Variants in CCDC146 observed in about 807,000 individuals in gnomAD.
CCDC146 encodes the protein coiled-coil domain-containing protein 146.
In CCDC146, 92 loss-of-function variants were observed where a neutral mutation model predicts 119.3. That is an observed-to-expected ratio of 0.77 (90% CI 0.65 to 0.92). The LOEUF (loss-of-function observed/expected upper bound fraction) is 0.92, where lower values mean the gene tolerates loss of function less well. Ranked by LOEUF, CCDC146 falls within the 40% of genes least tolerant of loss-of-function variation. CCDC146 has a pLI of 0.00. For missense variants in CCDC146, 1,000 were observed against 1,103.0 expected (o/e 0.91, Z 1.32); for synonymous variants, 372 against 371.8 (o/e 1.00, Z -0.01).
At chr7:77,233,180 T>C (rs1792666892) in intron 2 of CCDC146, among the ~76,000 whole-genome samples, 1 of 151,592 alleles carries the variant, frequency 6.6e-6, no homozygotes, top group South Asian at 2.1e-4. Context: ...CCTCTGCCTC[T>C]GGGGTTCAAG....
intron 2 of CCDC146, among the ~76,000 whole-genome samples, chr7:77,203,790 CACTT>C (rs775368644): frequency 1.9e-4 from 29 of 152,202 alleles, no homozygotes; most frequent in Non-Finnish European, 3.1e-4. Context: ...ACATTACACT[CACTT>C]ACAGACTTGT....
chr7:77,181,808 G>A (rs1351955120), intron 2 of CCDC146, among the ~76,000 whole-genome samples: 1 of 152,104 alleles, frequency 6.6e-6, no homozygotes, highest in Non-Finnish European at 1.5e-5. Flanking sequence ...ATGCTTGAAT[G>A]TATTGACCTT....
chr7:77,249,255 G>T (rs1264718430), intron 4 of CCDC146, among the ~76,000 whole-genome samples: 1 of 152,110 alleles, frequency 6.6e-6, no homozygotes, highest in African/African-American at 2.4e-5. Flanking sequence ...ACTTTGAAAG[G>T]CTGAGGCAGT....
chr7:77,227,819 A>T (rs1030803643), intron 2 of CCDC146, among the ~76,000 whole-genome samples: 1 of 152,228 alleles, frequency 6.6e-6, no homozygotes, highest in Non-Finnish European at 1.5e-5. Flanking sequence ...AGTAATACAT[A>T]TTGGAAAAAT....
At chr7:77,259,959 TGTGTGTGTG>T in intron 7 of CCDC146, 41 bp from the exon 8 acceptor site, 2 of 391,210 alleles carry the variant, frequency 5.1e-6, no homozygotes, top group Non-Finnish European at 8.7e-6. Flanking sequence ...TGTGTGTGTG[TGTGTGTGTG>T]TGTGTGTGTG....
intron 2 of CCDC146, among the ~76,000 whole-genome samples, chr7:77,222,918 G>A (rs956956694): frequency 6.6e-6 from 1 of 152,166 alleles, no homozygotes; most frequent in African/African-American, 2.4e-5. Flanking sequence ...TGCCTCTTCT[G>A]GTTAATGTTT....
intron 2 of CCDC146, among the ~76,000 whole-genome samples, chr7:77,215,718 A>G (rs1413056724): frequency 1.3e-5 from 2 of 152,040 alleles, no homozygotes; most frequent in Non-Finnish European, 2.9e-5. Context: ...GTAATTATTC[A>G]TTGACTTTAT....
chr7:77,174,846 T>C (rs1473709672), intron 2 of CCDC146, among the ~76,000 whole-genome samples: 1 of 152,256 alleles, frequency 6.6e-6, no homozygotes, highest in Non-Finnish European at 1.5e-5. Context: ...GCATGCCTTG[T>C]ACTTAAGAAT....
chr7:77,210,269 G>T (rs1220308789), intron 2 of CCDC146, among the ~76,000 whole-genome samples: 1 of 152,200 alleles, frequency 6.6e-6, no homozygotes, highest in Non-Finnish European at 1.5e-5. Context: ...TTGCTGCTTA[G>T]AAGTTTCTTC....
rs1793140882 is a variant in CCDC146 at position 77,254,536 on chromosome 7, A to G, written c.480A>G (p.Lys160=). Reference sequence around the variant, plus strand: ...AGGAAGAAAAAATCATCATAGTAAAAGAATTTGAGAAGATAACAAAGCCAG... The same window carrying G: ...AGGAAGAAAAAATCATCATAGTAAAGGAATTTGAGAAGATAACAAAGCCAG... The part of the protein sequence containing the change: ...SLKEEKIIIV[K]EFEKITKPGE... The change falls in exon 5 of 19, where the codon AAA becomes AAG. Residue 160 remains lysine, a synonymous_variant. Transcript: ENST00000285871. The G allele has an allele frequency of 6.4e-7, 1 of 1,550,530 alleles. No individual in the cohort carries two copies. Among genetic ancestry groups the G allele is most frequent in the Non-Finnish European group, 8.9e-7 (1 of 1,127,348 alleles).
intron 2 of CCDC146, among the ~76,000 whole-genome samples, chr7:77,220,258 G>C (rs1234483543): frequency 6.6e-6 from 1 of 152,122 alleles, no homozygotes; most frequent in Non-Finnish European, 1.5e-5. Context: ...TCTCCTATTC[G>C]CTTTTGCAAG....
rs746403465 is a variant in CCDC146 at position 77,237,019 on chromosome 7, G to A, written c.229G>A (p.Ala77Thr). The stretch of plus-strand genomic sequence containing the variant: ...AGCCAAGTATACCTTGCTGCATGAC[G>A]CCGTGATGAGGTATGCAATTTACCA... ...LKAKYTLLHD[A>T]VMSTQESEVQ... The change falls in exon 3 of 19, where the codon GCC becomes ACC. Residue 77 changes from alanine to threonine, a missense_variant. Physicochemically the swap from Ala to Thr is moderately conservative, Grantham distance 58 (BLOSUM62 0). Coordinates refer to ENST00000285871, the MANE Select transcript of CCDC146 (RefSeq NM_020879.3). The A allele has an allele frequency of 2.1e-5, 34 of 1,613,526 alleles. No individual in the cohort carries two copies. Among genetic ancestry groups the A allele is most frequent in the Admixed American group, 1.2e-4 (7 of 60,012 alleles).
chr7:77,254,654 C>A, intron 5 of CCDC146, 91 bp downstream of exon 5: 2 of 704,450 alleles, frequency 2.8e-6, no homozygotes, highest in Non-Finnish European at 4.8e-6. Context: ...ACCACCATAG[C>A]CTGAAACATT....
Position 77,278,834 on chromosome 7 carries a change from A to G in CCDC146, c.1523A>G (p.Tyr508Cys). 6.2e-7 allele frequency: 1 copy of G among 1,610,898 alleles called. No individual in the cohort carries two copies. Residue 508 changes from tyrosine to cysteine, a missense_variant, in exon 12 of 19, where the codon TAT (tyrosine) becomes TGT (cysteine). Physicochemically the swap from Tyr to Cys is radical, Grantham distance 194 (BLOSUM62 -2). Around this residue, in one of 2 missense-constraint regions of CCDC146, gnomAD observed 985 missense variants for 1,045.3 expected, o/e 0.94. Transcript: ENST00000285871. ...RIHKKKKCEI[Y>C]RRLREFAKLY... ...CACAAGAAGAAAAAATGTGAAATTT[A>G]TCGGAGGTAAAGTAATTATGTGGTG... is the stretch of plus-strand genomic sequence containing the variant.
chr7:77,223,846 A>G (rs1584087828), intron 2 of CCDC146, among the ~76,000 whole-genome samples: 2 of 152,312 alleles, frequency 1.3e-5, no homozygotes, highest in East Asian at 3.9e-4. Flanking sequence ...GGGGGGGTAA[A>G]TGTTTAAACA....
chr7:77,160,497 T>G (rs1211272044), intron 1 of CCDC146, among the ~76,000 whole-genome samples: 7 of 152,180 alleles, frequency 4.6e-5, no homozygotes, highest in African/African-American at 7.2e-5. Context: ...CCCTTGTAAG[T>G]TGGATTCCTA....
intron 9 of CCDC146, among the ~76,000 whole-genome samples, chr7:77,263,975 G>T (rs1230592307): frequency 6.6e-6 from 1 of 152,112 alleles, no homozygotes; most frequent in African/African-American, 2.4e-5. Context: ...TACTTTTATA[G>T]TCTTTTGCAA....
intron 1 of CCDC146, among the ~76,000 whole-genome samples, chr7:77,158,775 C>G (rs1791213609): frequency 6.6e-6 from 1 of 152,170 alleles, no homozygotes; most frequent in South Asian, 2.1e-4. Context: ...ACCTCCACAC[C>G]ACAAAGTACT....
intron 2 of CCDC146, among the ~76,000 whole-genome samples, chr7:77,218,263 G>A (rs1245963444): frequency 1.3e-5 from 2 of 150,800 alleles, no homozygotes; most frequent in Non-Finnish European, 3.0e-5. Flanking sequence ...TATAACCTTT[G>A]TAATTTATAA....
Sources: allele counts gnomAD v4.1 joint callset (sites outside exome capture counted in the v4.1 genomes callset), GRCh38; gene constraint gnomAD v4.1.1; regional missense constraint gnomAD v4.1.1; transcripts MANE v1.5; gene names NCBI Gene and HGNC (gene_info 2026-07-23, HGNC 2026-07-21).